The following WDR37 variants were observed in gnomAD, a reference collection of about 807,000 sequenced individuals.
WDR37 encodes WD repeat-containing protein 37.
WDR37 carries 19 observed loss-of-function variants against 62.9 expected under a neutral mutation model. That is an observed-to-expected ratio of 0.30 (90% CI 0.21 to 0.44). WDR37 has a LOEUF of 0.44. WDR37 is among the 20% of genes least tolerant of loss of function. The pLI, the probability that WDR37 is intolerant of heterozygous loss-of-function variation, is 1.00. For missense variants in WDR37, 474 were observed against 657.6 expected, an observed-to-expected ratio of 0.72 and a Z score of 3.05; for synonymous variants, 250 against 260.9, an observed-to-expected ratio of 0.96 and a Z score of 0.40.
chr10:1,075,398 A>G (rs1833846983), intron 2 of WDR37, among the ~76,000 whole-genome samples: 1 of 151,916 alleles, frequency 6.6e-6, no homozygotes, highest in Admixed American at 6.6e-5. Flanking sequence ...TGTCACCTAC[A>G]TAAGGCATTT....
intron 6 of WDR37, among the ~76,000 whole-genome samples, chr10:1,085,334 A>C (rs1564501911): frequency 6.6e-6 from 1 of 150,782 alleles, no homozygotes; most frequent in Non-Finnish European, 1.5e-5. Flanking sequence ...CTTTTTTCCC[A>C]CAAGTGGAGT....
chr10:1,107,742 A>T (rs2127602), intron 11 of WDR37, among the ~76,000 whole-genome samples: 1 of 150,548 alleles, frequency 6.6e-6, no homozygotes, highest in East Asian at 2.0e-4. Context: ...TGTACACACC[A>T]CTGTCTGTAA....
rs147101860 is a variant in WDR37, at chr10:1,093,570, C to T, written c.649+74C>T. 1.3e-4 allele frequency: 155 copies of T among 1,225,696 alleles called. 1 individual carries two copies. In the African/African-American group the frequency reaches 1.9e-3, roughly 15 times the overall value. 75.9% of individuals were successfully genotyped at this position (1,225,696 alleles called of 1,614,324 possible). A position where few individuals can be genotyped will look rare whatever the true frequency, so the allele number is the denominator to read the frequency against. ...ACAACTATAAATATTCCTTTCTTATCGTAGCAGAATAATCCATGGCTTTTA... is the reference window on the plus strand; with the variant it reads ...ACAACTATAAATATTCCTTTCTTATTGTAGCAGAATAATCCATGGCTTTTA... On this transcript the variant is annotated intron_variant, in intron 8 of 13. Transcript: ENST00000263150.
chr10:1,126,049 G>A (rs944747829), intron 13 of WDR37, among the ~76,000 whole-genome samples: 2 of 152,164 alleles, frequency 1.3e-5, no homozygotes, highest in African/African-American at 4.8e-5. Flanking sequence ...TATAATGTGG[G>A]TGGCGTTTGC....
chr10:1,099,267 C>T (rs1353769743), intron 9 of WDR37, among the ~76,000 whole-genome samples: 1 of 152,234 alleles, frequency 6.6e-6, no homozygotes. Context: ...GTGGCGTGAT[C>T]TTCCCACGTG....
intron 7 of WDR37, among the ~76,000 whole-genome samples, chr10:1,089,126 G>C (rs915522694): frequency 6.6e-6 from 1 of 152,004 alleles, no homozygotes; most frequent in Non-Finnish European, 1.5e-5. Flanking sequence ...AGTTTCATCT[G>C]CCAGTCCTCT....
At chr10:1,096,474 T>G in intron 9 of WDR37, 1 of 572,318 alleles carries the variant, frequency 1.7e-6, no homozygotes, top group South Asian at 2.1e-5. Context: ...AGAGCTCACC[T>G]GTGTTCTCAA....
intron 1 of WDR37, among the ~76,000 whole-genome samples, chr10:1,067,532 C>T (rs1394992330): frequency 1.3e-5 from 2 of 152,144 alleles, no homozygotes; most frequent in Non-Finnish European, 2.9e-5. Context: ...ACATATAATT[C>T]ATACTATAGA....
chr10:1,083,450 G>T (rs1276518691), intron 5 of WDR37, among the ~76,000 whole-genome samples: 1 of 152,188 alleles, frequency 6.6e-6, no homozygotes, highest in Non-Finnish European at 1.5e-5. Flanking sequence ...GTTTTTCAGG[G>T]CTATGCCAAA....
At chr10:1,092,586 C>CTT (rs2131641190) in intron 7 of WDR37, among the ~76,000 whole-genome samples, 1 of 151,940 alleles carries the variant, frequency 6.6e-6, no homozygotes, top group South Asian at 2.1e-4. Context: ...TCTCGATCTC[C>CTT]TGACCTCGTG....
In WDR37 at chr10:1,105,802, C is replaced by T. The variant is rs1438376756; in HGVS notation, c.1103+535C>T. ...AACTCAAGTGTAAGGTCTTTTTTTT[C>T]TGAGACGGAGTCTCGCTCTGTCGCC... is the stretch of plus-strand genomic sequence containing the variant. On this transcript the variant is annotated intron_variant, in intron 11 of 13. Coordinates refer to ENST00000263150, the MANE Select transcript of WDR37 (RefSeq NM_014023.4). The surrounding 1 kb of genome is among the most constrained non-coding windows in gnomAD (Gnocchi z 5.3). Among the ~76,000 whole-genome samples the T allele has an allele frequency of 1.3e-5, 2 of 151,916 alleles. No homozygotes were observed. Among genetic ancestry groups the T allele is most frequent in the African/African-American group, 4.8e-5 (2 of 41,352 alleles).
chr10:1,078,001 A>G lies in WDR37; in HGVS notation c.233A>G (p.Glu78Gly). The part of the protein sequence containing the change: ...EFENLYIENL[E>G]LRREIDTLNE... ...GAAAACCTTTATATCGAAAACTTAG[A>G]ATGTGAGTATCTCCTATTTTAATAT... The change falls in exon 3 of 14, where the codon GAA becomes GGA. Residue 78 changes from glutamate to glycine, a missense_variant and splice_region_variant. Glu to Gly is a moderately conservative substitution (Grantham distance 98). Coordinates refer to ENST00000263150, the MANE Select transcript of WDR37 (RefSeq NM_014023.4). The G allele has an allele frequency of 6.3e-7, 1 of 1,598,490 alleles. No individual in the cohort carries two copies. Among genetic ancestry groups the G allele is most frequent in the Non-Finnish European group, 8.6e-7 (1 of 1,168,590 alleles).
rs982715272 is a variant in WDR37 at position 1,056,768 on chromosome 10, A to C, written c.-241A>C. 1 of 152,242 alleles carries C rather than the reference A, an allele frequency of 6.6e-6. No individual in the cohort carries two copies. Among genetic ancestry groups the C allele is most frequent in the African/African-American group, 2.4e-5 (1 of 41,420 alleles). The allele number at this position is 152,242 out of a possible 1,614,324, so 9.4% of individuals were successfully genotyped here. A position where few individuals can be genotyped will look rare whatever the true frequency, so the allele number is the denominator to read the frequency against. ...GTGTGGGGCGGCTTCCGGAGAACCC[A>C]GCGGCGCGGGACTGGGGCGGGACTT... is the stretch of plus-strand genomic sequence containing the variant. On this transcript the variant is annotated 5_prime_UTR_variant, in exon 1 of 14. Transcript: ENST00000263150.
chr10:1,091,672 C>A (rs1051492239), intron 7 of WDR37, among the ~76,000 whole-genome samples: 7 of 152,180 alleles, frequency 4.6e-5, no homozygotes, highest in African/African-American at 1.7e-4. Context: ...TGGTAGCTCA[C>A]CCCATCCCAA....
intron 7 of WDR37, among the ~76,000 whole-genome samples, chr10:1,087,504 T>C (rs1216083823): frequency 6.6e-6 from 1 of 152,186 alleles, no homozygotes; most frequent in Non-Finnish European, 1.5e-5. Context: ...ACAGAATGGA[T>C]GTTGTGTTAG....
chr10:1,124,178 C>T (rs1589125706), intron 11 of WDR37, 40 bp from the exon 12 acceptor site: 1 of 1,612,768 alleles, frequency 6.2e-7, no homozygotes, highest in East Asian at 2.2e-5. Flanking sequence ...TCACGTCCTG[C>T]ACCTGCTGTT....
chr10:1,080,774 C>T (rs945886647), intron 5 of WDR37, among the ~76,000 whole-genome samples: 1 of 151,760 alleles, frequency 6.6e-6, no homozygotes, highest in Non-Finnish European at 1.5e-5. Context: ...GGTGTGGTGG[C>T]GGGTGCCTGT....
rs905157580 is a variant in WDR37 at position 1,093,565 on chromosome 10, C to A, written c.649+69C>A. 18 of 1,257,568 alleles carry A rather than the reference C, an allele frequency of 1.4e-5. No homozygotes were observed. In the African/African-American group the frequency reaches 2.7e-4, roughly 19 times the overall value. The allele number at this position is 1,257,568 out of a possible 1,614,324, so 77.9% of individuals were successfully genotyped here. A position where few individuals can be genotyped will look rare whatever the true frequency, so the allele number is the denominator to read the frequency against. Reference sequence around the variant, plus strand: ...TTAAAACAACTATAAATATTCCTTTCTTATCGTAGCAGAATAATCCATGGC... The same window carrying A: ...TTAAAACAACTATAAATATTCCTTTATTATCGTAGCAGAATAATCCATGGC... On this transcript the variant is annotated intron_variant, in intron 8 of 13. Coordinates refer to ENST00000263150, the MANE Select transcript of WDR37 (RefSeq NM_014023.4).
Position 1,094,096 on chromosome 10 carries a change from C to G in WDR37, c.649+600C>G, listed in dbSNP as rs559734153. 3.9e-5 allele frequency among the ~76,000 whole-genome samples: 6 copies of G among 152,300 alleles called. No individual in the cohort carries two copies. In the South Asian group the frequency reaches 1.2e-3, roughly 32 times the overall value. On this transcript the variant is annotated intron_variant, in intron 8 of 13. Coordinates refer to ENST00000263150, the MANE Select transcript of WDR37 (RefSeq NM_014023.4). ...ATAGCCCAGGGACATTGGTGATGAT[C>G]TCGAAGGATGTGTGTAGGCTTTCAG...
Sources: gnomAD v4.1 joint callset for allele counts (sites outside exome capture counted in the v4.1 genomes callset) on GRCh38, gnomAD v4.1.1 for gene constraint, Gnocchi (gnomAD v3.1) non-coding constraint, MANE v1.5 for transcripts, NCBI Gene and HGNC (gene_info 2026-07-23, HGNC 2026-07-21) for gene names.